Variants in CDK19 observed in about 807,000 individuals in gnomAD.
The protein encoded by CDK19 is cyclin-dependent kinase 19.
In CDK19, 20 loss-of-function variants were observed where a neutral mutation model predicts 68.3. The observed-to-expected ratio is 0.29, with a 90% confidence interval of 0.21 to 0.43. CDK19 has a LOEUF of 0.43. Ranked by LOEUF, CDK19 falls within the 20% of genes least tolerant of loss-of-function variation. The pLI is 1.00. For missense variants in CDK19, 339 were observed against 623.5 expected, an observed-to-expected ratio of 0.54 and a Z score of 4.86; for synonymous variants, 221 against 222.8, an observed-to-expected ratio of 0.99 and a Z score of 0.07.
intron 2 of CDK19, among the ~76,000 whole-genome samples, chr6:110,701,386 C>CA (rs58069740): frequency 0.011 from 1,368 of 124,542 alleles, 11 homozygotes; most frequent in Middle Eastern, 0.034. Flanking sequence ...ACTAAAAATA[C>CA]AAAAAAAAAA....
At chr6:110,687,207 TA>T (rs139848413) in intron 2 of CDK19, among the ~76,000 whole-genome samples, 3 of 152,326 alleles carry the variant, frequency 2.0e-5, no homozygotes, top group Non-Finnish European at 2.9e-5. Context: ...GGAACTTACC[TA>T]ACACATGTTG....
chr6:110,643,055 T>G (rs1780309586), intron 4 of CDK19: 1 of 424,500 alleles, frequency 2.4e-6, no homozygotes, highest in Non-Finnish European at 3.9e-6. Context: ...GCAAGGACAC[T>G]GAGCCTTGGG....
intron 1 of CDK19, among the ~76,000 whole-genome samples, chr6:110,782,080 G>C (rs897344247): frequency 6.6e-6 from 1 of 152,148 alleles, no homozygotes; most frequent in Non-Finnish European, 1.5e-5. Flanking sequence ...GAAACAATTA[G>C]AGATAAGGGC....
At chr6:110,648,393 T>C (rs1780743682) in intron 4 of CDK19, among the ~76,000 whole-genome samples, 2 of 152,216 alleles carry the variant, frequency 1.3e-5, no homozygotes, top group South Asian at 2.1e-4. Flanking sequence ...TGTTTTTCTA[T>C]ATACCAGGAA....
intron 1 of CDK19, among the ~76,000 whole-genome samples, chr6:110,799,848 C>T (rs894000885): frequency 6.6e-6 from 1 of 152,140 alleles, no homozygotes; most frequent in African/African-American, 2.4e-5. Context: ...AGCAATCCAC[C>T]CGCCTAGACC....
intron 5 of CDK19, among the ~76,000 whole-genome samples, chr6:110,637,336 G>A (rs183647430): frequency 1.3e-5 from 2 of 152,154 alleles, no homozygotes; most frequent in East Asian, 3.8e-4. Flanking sequence ...TGGTGGAAGT[G>A]GGGGAGGGAA....
chr6:110,809,575 A>G (rs1243723695), intron 1 of CDK19, among the ~76,000 whole-genome samples: 2 of 152,262 alleles, frequency 1.3e-5, no homozygotes, highest in Non-Finnish European at 2.9e-5. Context: ...TACATTTCTT[A>G]GAAAAAATAC....
chr6:110,623,227 G>A, intron 9 of CDK19, 63 bp downstream of exon 9: 2 of 1,319,226 alleles, frequency 1.5e-6, no homozygotes, highest in East Asian at 2.3e-5. Flanking sequence ...AGGAATAGCT[G>A]AGTAAATAGA....
intron 1 of CDK19, among the ~76,000 whole-genome samples, chr6:110,785,074 C>CAAA (rs66578190): frequency 1.2e-4 from 8 of 64,874 alleles, no homozygotes; most frequent in East Asian, 8.1e-4. Context: ...ACTGAATTGT[C>CAAA]AAAAAAAAAA....
intron 12 of CDK19, among the ~76,000 whole-genome samples, chr6:110,614,940 G>A (rs1165003121): frequency 6.6e-6 from 1 of 152,188 alleles, no homozygotes; most frequent in Non-Finnish European, 1.5e-5. Flanking sequence ...GGAAATTTCA[G>A]CGGACCCATT....
intron 4 of CDK19, among the ~76,000 whole-genome samples, chr6:110,648,064 A>AG (rs1780723163): frequency 4.6e-5 from 7 of 152,204 alleles, no homozygotes; most frequent in Admixed American, 3.3e-4. Flanking sequence ...AAGTTAGGCT[A>AG]GAAAAAATCT....
Position 110,621,296 on chromosome 6 carries a change from C to T in CDK19, c.1185G>A (p.Ala395=), listed in dbSNP as rs146722062. ...PPQQAAAPPQ[A]PPPQQNSTQT... ...GGGTGCTGTTCTGCTGTGGTGGGGG[C>T]GCCTGTGGAGGGGCTGCTGCCTGCT... The change falls in exon 12 of 13, where the codon GCG becomes GCA. Residue 395 remains alanine (A), a synonymous_variant. Transcript: ENST00000368911. This position sits in a 1 kb window ranked among gnomAD's most constrained non-coding sequence, Gnocchi z 5.4. The T allele has an allele frequency of 3.0e-5, 49 of 1,608,994 alleles. No homozygotes were observed. Among genetic ancestry groups the T allele is most frequent in the Admixed American group, 1.3e-4 (8 of 59,520 alleles).
At chr6:110,715,027 C>A (rs527404940) in intron 2 of CDK19, among the ~76,000 whole-genome samples, 1 of 152,252 alleles carries the variant, frequency 6.6e-6, no homozygotes, top group East Asian at 1.9e-4. Context: ...AGCCACCATG[C>A]CTGGCCGAAA....
chr6:110,639,557 A>G (rs1016499384), intron 4 of CDK19, among the ~76,000 whole-genome samples: 1 of 152,246 alleles, frequency 6.6e-6, no homozygotes, highest in African/African-American at 2.4e-5. Context: ...TTACTACATA[A>G]GTAGAAAGAA....
At chr6:110,777,869 T>A (rs1775138) in intron 1 of CDK19, among the ~76,000 whole-genome samples, 43,417 of 151,956 alleles carry the variant, frequency 0.29, 6,856 homozygotes, top group East Asian at 0.68. Flanking sequence ...TGCTATGTCA[T>A]ATAAGCCCTC....
Position 110,627,022 on chromosome 6 carries a change from C to T in CDK19, c.770G>A (p.Ser257Asn). ...FHHDQLDRIF[S>N]VMGFPADKDW... The stretch of plus-strand genomic sequence containing the variant: ...ATTACCTGCAGGAAACCCCATGACA[C>T]TAAATATCCGATCCAGTTGATCATG... Residue 257 changes from serine (S) to asparagine (N), a missense_variant, in exon 7 of 13, where the codon AGT becomes AAT. Transcript: ENST00000368911. The T allele has an allele frequency of 1.2e-6, 2 of 1,612,084 alleles. No individual in the cohort carries two copies. Among genetic ancestry groups the T allele is most frequent in the Non-Finnish European group, 1.7e-6 (2 of 1,179,020 alleles).
chr6:110,704,573 T>C (rs1005467448), intron 2 of CDK19, among the ~76,000 whole-genome samples: 1 of 152,262 alleles, frequency 6.6e-6, no homozygotes, highest in East Asian at 1.9e-4. Flanking sequence ...TCTTGTATTA[T>C]TTATCTTTTT....
intron 4 of CDK19, among the ~76,000 whole-genome samples, chr6:110,655,253 C>A (rs1052267291): frequency 1.3e-5 from 2 of 151,668 alleles, no homozygotes; most frequent in African/African-American, 4.9e-5. Flanking sequence ...GTAGTCCTAG[C>A]TACTTGGGAG....
At chr6:110,648,544 T>TC (rs1450018274) in intron 4 of CDK19, among the ~76,000 whole-genome samples, 6 of 144,708 alleles carry the variant, frequency 4.1e-5, no homozygotes, top group African/African-American at 1.5e-4. Flanking sequence ...TTTTCTTTTT[T>TC]TTTTTTTTTT....
Sources: allele counts gnomAD v4.1 joint callset (sites outside exome capture counted in the v4.1 genomes callset), GRCh38; gene constraint gnomAD v4.1.1; non-coding constraint Gnocchi (gnomAD v3.1); transcripts MANE v1.5; gene names NCBI Gene and HGNC (gene_info 2026-07-23, HGNC 2026-07-21).